The following LAMA5 variants were observed in gnomAD, a reference collection of about 807,000 sequenced individuals.
The protein encoded by LAMA5 is laminin subunit alpha-5.
In LAMA5, 260 loss-of-function variants were observed where a neutral mutation model predicts 433.4. That is an observed-to-expected ratio of 0.60 (90% CI 0.54 to 0.66). The LOEUF is 0.66. Among genes scored for constraint, LAMA5 ranks in the 30% least tolerant of loss-of-function variants. The pLI is 0.00. For missense variants in LAMA5, 5,378 were observed against 5,258.5 expected, an observed-to-expected ratio of 1.02 and a Z score of -0.70; for synonymous variants, 2,620 against 2,226.6, an observed-to-expected ratio of 1.18 and a Z score of -4.97.
chr20:62,333,662 G>A lies in LAMA5; in HGVS notation c.2923C>T (p.Pro975Ser). 1 of 1,594,508 alleles carries A rather than the reference G, an allele frequency of 6.3e-7. No homozygotes were observed. Among genetic ancestry groups the A allele is most frequent in the Non-Finnish European group, 8.5e-7 (1 of 1,172,286 alleles). The change falls in exon 24 of 80, where the codon CCT becomes TCT. Residue 975 changes from proline (P) to serine (S), a missense_variant. Pro to Ser is a moderately conservative substitution (Grantham distance 74, BLOSUM62 -1). Coordinates refer to ENST00000252999, the MANE Select transcript of LAMA5 (RefSeq NM_005560.6). Reference protein sequence around the residue: ...QPVAFPPSTEPAFITVPQRGF... With the variant: ...QPVAFPPSTESAFITVPQRGF... ...CTCTGGGGCACGGTGATGAAGGCAG[G>A]CTCCGTGCTGGGTGGGAAGGCCACG...
rs746516680 is a variant in LAMA5, at chr20:62,318,449, C to T, written c.7239+5G>A. On this transcript the variant is annotated splice_donor_5th_base_variant and intron_variant, in intron 53 of 79. Transcript: ENST00000252999. ...CAGGAGGAAGAACAAGTCCGGGGTC[C>T]TCACCAGGGCTTCCTCCAGGCGCTC... is the stretch of plus-strand genomic sequence containing the variant. The T allele has an allele frequency of 8.6e-5, 137 of 1,587,248 alleles. No homozygotes were observed. In the Admixed American group the frequency reaches 1.2e-3, roughly 14 times the overall value.
intron 58 of LAMA5, among the ~76,000 whole-genome samples, chr20:62,315,507 C>G (rs1444332560): frequency 6.6e-6 from 1 of 152,098 alleles, no homozygotes; most frequent in Non-Finnish European, 1.5e-5. Context: ...TGGGAACAGT[C>G]CGCAGCCACA....
intron 2 of LAMA5, among the ~76,000 whole-genome samples, chr20:62,353,896 C>T (rs954231031): frequency 3.3e-5 from 5 of 152,170 alleles, no homozygotes; most frequent in Non-Finnish European, 7.4e-5. Flanking sequence ...CGGGGCTCAG[C>T]CTTGCAGGCT....
intron 1 of LAMA5, 113 bp from the exon 2 acceptor site, chr20:62,362,665 G>C: frequency 8.4e-6 from 8 of 955,982 alleles, no homozygotes; most frequent in Non-Finnish European, 1.1e-5. Flanking sequence ...CTGGTTCCAC[G>C]CCCAGCCTCT....
intron 51 of LAMA5, 89 bp downstream of exon 51, chr20:62,319,595 T>A: frequency 1.1e-6 from 1 of 900,926 alleles, no homozygotes; most frequent in East Asian, 2.7e-5. Flanking sequence ...TGCCTGTTCT[T>A]CCAGGCCAAG....
chr20:62,351,696 G>T lies in LAMA5; in HGVS notation c.956+8C>A. 3 of 1,610,262 alleles carry T rather than the reference G, an allele frequency of 1.9e-6. No homozygotes were observed. Among genetic ancestry groups the T allele is most frequent in the Non-Finnish European group, 2.5e-6 (3 of 1,179,258 alleles). Reference sequence around the variant, plus strand: ...CCTGAACGGGGCCTCACCTGAATGGGGCCTCACCTGAACGGGTCCGTGGGG... The same window carrying T: ...CCTGAACGGGGCCTCACCTGAATGGTGCCTCACCTGAACGGGTCCGTGGGG... On this transcript the variant is annotated splice_region_variant and intron_variant, in intron 6 of 79. Coordinates refer to ENST00000252999, the MANE Select transcript of LAMA5 (RefSeq NM_005560.6).
intron 11 of LAMA5, chr20:62,345,435 C>A (rs1267487251): frequency 9.8e-6 from 3 of 307,264 alleles, no homozygotes; most frequent in Non-Finnish European, 1.9e-5. Context: ...GAAACAAGGT[C>A]TCACTCTGTT....
At chr20:62,330,113 CATG>C (rs1243842871) in intron 31 of LAMA5, among the ~76,000 whole-genome samples, 197 bp from the exon 32 acceptor site, 1 of 152,250 alleles carries the variant, frequency 6.6e-6, no homozygotes, top group Non-Finnish European at 1.5e-5. Flanking sequence ...CTACAGATGT[CATG>C]CGGGACACCT....
intron 53 of LAMA5, 137 bp downstream of exon 53, chr20:62,318,315 GGA>G: frequency 2.5e-6 from 1 of 404,062 alleles, no homozygotes; most frequent in South Asian, 2.6e-5. Context: ...AAGAAGAGGA[GGA>G]GGGGGGGAGG....
Position 62,324,505 on chromosome 20 carries a change from C to A in LAMA5, c.5579G>T (p.Arg1860Leu), listed in dbSNP as rs376115170. 13 of 1,612,278 alleles carry A rather than the reference C, an allele frequency of 8.1e-6. No homozygotes were observed. In the South Asian group the frequency reaches 1.4e-4, roughly 18 times the overall value. The part of the protein sequence containing the change: ...YRDVKGLFLG[R>L]CVPCQCHGHS... ...TCCATGGCACTGACAAGGGACACATCGGCCCAGGAAGAGACCTTTGACGTC... is the reference window on the plus strand; with the variant it reads ...TCCATGGCACTGACAAGGGACACATAGGCCCAGGAAGAGACCTTTGACGTC... The change falls in exon 42 of 80, where the codon CGA (arginine) becomes CTA (leucine). Residue 1860 changes from arginine (R) to leucine (L), a missense_variant. By Grantham distance (102) the Arg-to-Leu change is moderately radical (BLOSUM62 -2). Coordinates refer to ENST00000252999, the MANE Select transcript of LAMA5 (RefSeq NM_005560.6). The surrounding 1 kb of genome is among the most constrained non-coding windows in gnomAD (Gnocchi z 4.4).
chr20:62,338,447 G>A, intron 12 of LAMA5, 21 bp downstream of exon 12: 1 of 1,607,660 alleles, frequency 6.2e-7, no homozygotes, highest in African/African-American at 1.3e-5. Flanking sequence ...GGTAGAGGTT[G>A]AGCGGGGAGA....
chr20:62,329,992 G>A, intron 31 of LAMA5, 76 bp from the exon 32 acceptor site: 1 of 1,541,190 alleles, frequency 6.5e-7, no homozygotes, highest in Non-Finnish European at 8.7e-7. Flanking sequence ...GAAGATGGCA[G>A]CGTTGGGGCA....
At chr20:62,312,601 C>A in intron 67 of LAMA5, 31 bp downstream of exon 67, 1 of 1,599,686 alleles carries the variant, frequency 6.3e-7, no homozygotes, top group South Asian at 1.1e-5. Flanking sequence ...AACAGCCTGG[C>A]CTCGGAGCCC....
At position 62,318,959 on chromosome 20, in the gene LAMA5, C is replaced by T. The variant is rs767183653; in HGVS notation, c.6926G>A (p.Gly2309Asp). 6 of 1,595,412 alleles carry T rather than the reference C, an allele frequency of 3.8e-6. No individual in the cohort carries two copies. Among genetic ancestry groups the T allele is most frequent in the Non-Finnish European group, 5.1e-6 (6 of 1,173,324 alleles). The change falls in exon 52 of 80, where the codon GGT becomes GAT. Residue 2309 changes from glycine (G) to aspartate (D), a missense_variant. Transcript: ENST00000252999. ...GGCCAGTGTCCGGAGCAGCTGCTCA[C>T]CTGATGGAGCCGAGGCATTGGCCAG... ...LGLANASAPSGEQLLRTLAEV... is the reference protein window; with the variant it reads ...LGLANASAPSDEQLLRTLAEV...
chr20:62,311,352 C>T lies in LAMA5; in HGVS notation c.9943-45G>A, dbSNP rs1301681510. On this transcript the variant is annotated intron_variant, in intron 72 of 79. Coordinates refer to ENST00000252999, the MANE Select transcript of LAMA5 (RefSeq NM_005560.6). Reference sequence around the variant, plus strand: ...ATGCAGGGGCCGCCCACACAGGGGCCACCCTTCCAGCCACCCCAGCTCTGC... The same window carrying T: ...ATGCAGGGGCCGCCCACACAGGGGCTACCCTTCCAGCCACCCCAGCTCTGC... The T allele has an allele frequency of 4.6e-6, 7 of 1,521,852 alleles. No individual in the cohort carries two copies. In the South Asian group the frequency reaches 8.7e-5, roughly 19 times the overall value. The allele number at this position is 1,521,852 out of a possible 1,614,324, so 94.3% of individuals were successfully genotyped here.
chr20:62,334,542 G>C lies in LAMA5; in HGVS notation c.2562C>G (p.Thr854=). The change falls in exon 21 of 80, where the codon ACC becomes ACG. Residue 854 remains threonine, a synonymous_variant. Transcript: ENST00000252999. Reference sequence around the variant, plus strand: ...CCCACTCGCTGCAGGTGGGGCCCTGGGTGTTGGGGCGGCACCGGCAGACGC... The same window carrying C: ...CCCACTCGCTGCAGGTGGGGCCCTGCGTGTTGGGGCGGCACCGGCAGACGC... ...RTGVCRCRPN[T]QGPTCSEPAR... 3 of 1,548,674 alleles carry C rather than the reference G, an allele frequency of 1.9e-6. No individual in the cohort carries two copies. The highest frequency in any genetic ancestry group is 2.6e-6 in the Non-Finnish European group (3 of 1,146,744).
chr20:62,338,150 A>C lies in LAMA5; in HGVS notation c.1757T>G (p.Leu586Trp). 6.3e-7 allele frequency: 1 copy of C among 1,575,802 alleles called. No individual in the cohort carries two copies. The highest frequency in any genetic ancestry group is 8.6e-7 in the Non-Finnish European group (1 of 1,158,518). ...PGYFHFPLCQLCGCSPAGTLP... is the reference protein window; with the variant it reads ...PGYFHFPLCQWCGCSPAGTLP... ...GGTTCCTGCAGGGCTGCAGCCACAC[A>C]CTGCAGAGCGGAGCGGGTGTCACGG... The change falls in exon 14 of 80, where the codon TTG becomes TGG. Residue 586 changes from leucine to tryptophan, a missense_variant and splice_region_variant. Coordinates refer to ENST00000252999, the MANE Select transcript of LAMA5 (RefSeq NM_005560.6).
chr20:62,313,036 T>TGGGGCA (rs1387145341), intron 65 of LAMA5, 26 bp from the exon 66 acceptor site: 5 of 1,594,122 alleles, frequency 3.1e-6, no homozygotes, highest in Admixed American at 3.4e-5. Flanking sequence ...AGGGTTAGTG[T>TGGGGCA]GGGGCAGGGT....
chr20:62,333,960 A>T lies in LAMA5; in HGVS notation c.2819T>A (p.Met940Lys), dbSNP rs1167469682. 6.2e-7 allele frequency: 1 copy of T among 1,612,770 alleles called. No individual in the cohort carries two copies. The change falls in exon 23 of 80, where the codon ATG (methionine) becomes AAG (lysine). Residue 940 changes from methionine to lysine, a missense_variant. Transcript: ENST00000252999. ...CACAGAGACCCGCCCGCTCACACTC[A>T]TGGCCCCCCGGTTGACGTATCGGAA... ...LVFRYVNRGA[M>K]SVSGRVSVRE...
Sources: allele counts gnomAD v4.1 joint callset (sites outside exome capture counted in the v4.1 genomes callset), GRCh38; gene constraint gnomAD v4.1.1; non-coding constraint Gnocchi (gnomAD v3.1); transcripts MANE v1.5; gene names NCBI Gene and HGNC (gene_info 2026-07-23, HGNC 2026-07-21).